GTF2E2: variants seen among roughly 807,000 people sequenced by gnomAD.
GTF2E2 encodes the protein transcription initiation factor IIE subunit beta.
Under a neutral mutation model 40.5 loss-of-function variants are expected in GTF2E2, and 21 were observed. The ratio of observed to expected loss-of-function variants is 0.52; its 90% CI spans 0.37 to 0.75. GTF2E2 has a LOEUF of 0.75. Among genes scored for constraint, GTF2E2 ranks in the 30% least tolerant of loss-of-function variants. The pLI is 0.00. For missense variants in GTF2E2, 298 were observed against 338.4 expected (o/e 0.88, Z 0.94); for synonymous variants, 117 against 121.6 (o/e 0.96, Z 0.25).
At chr8:30,624,506 G>A (rs2151138680) in intron 3 of GTF2E2, among the ~76,000 whole-genome samples, 1 of 152,180 alleles carries the variant, frequency 6.6e-6, no homozygotes, top group South Asian at 2.1e-4. Context: ...CTCTTTTTTG[G>A]TTCCATATGA....
At chr8:30,649,480 A>G (rs184665976) in intron 2 of GTF2E2, among the ~76,000 whole-genome samples, 5 of 152,332 alleles carry the variant, frequency 3.3e-5, no homozygotes, top group Non-Finnish European at 5.9e-5. Context: ...GAAAAAAATC[A>G]ACAAAATTGA....
chr8:30,617,552 GACA>G (rs1800957221), intron 3 of GTF2E2, among the ~76,000 whole-genome samples: 7 of 152,078 alleles, frequency 4.6e-5, no homozygotes, highest in Admixed American at 4.6e-4. Context: ...GGCCAGCCTG[GACA>G]ACATGGCAAA....
chr8:30,600,984 T>G (rs1480647527), intron 6 of GTF2E2, among the ~76,000 whole-genome samples: 1 of 152,220 alleles, frequency 6.6e-6, no homozygotes, highest in South Asian at 2.1e-4. Flanking sequence ...TAGAGATGAA[T>G]GTTAAAACGT....
rs892539965 is a variant in GTF2E2 at position 30,658,192 on chromosome 8, C to T, written c.-224G>A. 1.1e-5 allele frequency: 2 copies of T among 186,430 alleles called. No homozygotes were observed. The highest frequency in any genetic ancestry group is 2.2e-5 in the Non-Finnish European group (2 of 91,692). 11.5% of individuals were successfully genotyped at this position (186,430 alleles called of 1,614,324 possible). ...CGGTAGCTGAGGCGGCGACTGGACCCGGGACTCCGCCCGCCACTTCCCGAT... is the reference window on the plus strand; with the variant it reads ...CGGTAGCTGAGGCGGCGACTGGACCTGGGACTCCGCCCGCCACTTCCCGAT... On this transcript the variant is annotated 5_prime_UTR_variant, in exon 1 of 8. Transcript: ENST00000355904.
At chr8:30,609,259 C>T (rs1166469758) in intron 5 of GTF2E2, among the ~76,000 whole-genome samples, 1 of 85,536 alleles carries the variant, frequency 1.2e-5, no homozygotes, top group Admixed American at 1.2e-4. Flanking sequence ...GAAAGAGACT[C>T]CGCCTCAAAA....
intron 5 of GTF2E2, among the ~76,000 whole-genome samples, chr8:30,607,851 T>C (rs1429577141): frequency 6.6e-6 from 1 of 152,192 alleles, no homozygotes; most frequent in African/African-American, 2.4e-5. Context: ...TTATTTCCAA[T>C]TGTGCTTTTA....
chr8:30,586,951 C>T (rs1038727592), intron 6 of GTF2E2, among the ~76,000 whole-genome samples: 3 of 152,178 alleles, frequency 2.0e-5, no homozygotes, highest in African/African-American at 4.8e-5. Context: ...TCAGGGCAAT[C>T]ATTTTTTGGA....
intron 1 of GTF2E2, among the ~76,000 whole-genome samples, chr8:30,657,255 C>T (rs1802477251): frequency 6.6e-6 from 1 of 152,198 alleles, no homozygotes; most frequent in African/African-American, 2.4e-5. Flanking sequence ...GTCCATTTTA[C>T]AATTAAACAA....
chr8:30,590,815 C>T (rs550649130), intron 6 of GTF2E2, among the ~76,000 whole-genome samples: 28 of 152,122 alleles, frequency 1.8e-4, no homozygotes, highest in African/African-American at 6.7e-4. Context: ...CTCAGCCTCC[C>T]GAGTAGCTGG....
At chr8:30,637,126 C>A in intron 2 of GTF2E2, 3 of 430,716 alleles carry the variant, frequency 7.0e-6, no homozygotes, top group Non-Finnish European at 1.4e-5. Context: ...CCAGTGTAAA[C>A]CCTGTAATAA....
At chr8:30,657,786 C>T (rs1802490507) in intron 1 of GTF2E2, among the ~76,000 whole-genome samples, 187 bp downstream of exon 1, 1 of 152,176 alleles carries the variant, frequency 6.6e-6, no homozygotes, top group Admixed American at 6.5e-5. Flanking sequence ...CTCAATGAAC[C>T]TCTGGCCTAA....
rs775545289 is a variant in GTF2E2 at position 30,580,441 on chromosome 8, AC to A, written c.644-46del. 2.8e-6 allele frequency: 3 copies of A among 1,055,590 alleles called. No homozygotes were observed. The African/African-American group carries it at 4.7e-5, about 16-fold the overall frequency. The allele number at this position is 1,055,590 out of a possible 1,614,324, so 65.4% of individuals were successfully genotyped here. On this transcript the variant is annotated intron_variant, in intron 6 of 7. Transcript: ENST00000355904. Reference sequence around the variant, plus strand: ...GTTATTTTACAATCCATTTTTACAAACTATAGCATCTTGATCAAAATCCAGG... The same window carrying A: ...GTTATTTTACAATCCATTTTTACAAATATAGCATCTTGATCAAAATCCAGG...
At chr8:30,615,692 G>A (rs1034475957) in intron 3 of GTF2E2, among the ~76,000 whole-genome samples, 2 of 152,154 alleles carry the variant, frequency 1.3e-5, no homozygotes, top group African/African-American at 2.4e-5. Context: ...GGATGCAAAG[G>A]AACAGGAGCT....
Position 30,618,174 on chromosome 8 carries a change from G to A in GTF2E2, c.259-3459C>T, listed in dbSNP as rs925130368. Among the ~76,000 whole-genome samples the A allele has an allele frequency of 8.2e-5, 12 of 146,034 alleles. No homozygotes were observed. The East Asian group carries it at 1.0e-3, about 13-fold the overall frequency. ...TAGCCGAACATGGTGGCACATGCCC[G>A]TAATCCCAGCTACTCAGGAGGCTGA... is the stretch of plus-strand genomic sequence containing the variant. On this transcript the variant is annotated intron_variant, in intron 3 of 7. Coordinates refer to ENST00000355904, the MANE Select transcript of GTF2E2 (RefSeq NM_002095.6).
intron 6 of GTF2E2, among the ~76,000 whole-genome samples, chr8:30,602,162 C>T (rs1283505875): frequency 1.3e-5 from 2 of 151,968 alleles, no homozygotes; most frequent in Non-Finnish European, 2.9e-5. Flanking sequence ...GGATTACAGA[C>T]ACGCACCAGC....
In GTF2E2 at chr8:30,607,101, A is replaced by AT; in HGVS notation, c.598dup (p.Ile200AsnfsTer6). ...ACAGCTCTTATCATTGAAGAAAAGT[A>AT]TTTTCTTCTTATCGGGACGATTTAC... is the stretch of plus-strand genomic sequence containing the variant. On this transcript the variant is annotated frameshift_variant, in exon 6 of 8. Transcript: ENST00000355904. LOFTEE classifies it high-confidence loss of function. The AT allele has an allele frequency of 1.3e-6, 2 of 1,494,304 alleles. No individual in the cohort carries two copies. The highest frequency in any genetic ancestry group is 1.8e-6 in the Non-Finnish European group (2 of 1,083,330). The allele number at this position is 1,494,304 out of a possible 1,614,324, so 92.6% of individuals were successfully genotyped here. A position where few individuals can be genotyped will look rare whatever the true frequency, so the allele number is the denominator to read the frequency against.
At chr8:30,589,987 C>T (rs763861432) in intron 6 of GTF2E2, among the ~76,000 whole-genome samples, 21 of 152,054 alleles carry the variant, frequency 1.4e-4, no homozygotes, top group African/African-American at 5.1e-4. Flanking sequence ...AATTAAAATC[C>T]TGCACATTTT....
intron 6 of GTF2E2, among the ~76,000 whole-genome samples, chr8:30,594,914 T>C (rs1043945789): frequency 2.0e-5 from 3 of 149,346 alleles, no homozygotes; most frequent in Admixed American, 6.7e-5. Flanking sequence ...AGCTGAAAAA[T>C]AGTGTGTTTA....
chr8:30,641,336 T>C (rs931289879), intron 2 of GTF2E2, among the ~76,000 whole-genome samples: 1 of 152,152 alleles, frequency 6.6e-6, no homozygotes, highest in African/African-American at 2.4e-5. Context: ...TGGTGTTACC[T>C]ATAGTTATTA....
Sources: allele counts gnomAD v4.1 joint callset (sites outside exome capture counted in the v4.1 genomes callset), GRCh38; gene constraint gnomAD v4.1.1; transcripts MANE v1.5; gene names NCBI Gene and HGNC (gene_info 2026-07-23, HGNC 2026-07-21).